FER: variants seen among roughly 807,000 people sequenced by gnomAD.
FER encodes tyrosine-protein kinase Fer.
Under a neutral mutation model 111.0 loss-of-function variants are expected in FER, and 63 were observed. The observed-to-expected ratio is 0.57, with a 90% CI of 0.46 to 0.70. FER has a LOEUF of 0.70. FER is among the 30% of genes least tolerant of loss of function. FER has a pLI of 0.00. For synonymous variants in FER, 327 were observed against 313.9 expected (o/e 1.04, Z -0.44); for missense variants, 914 against 954.0 (o/e 0.96, Z 0.55).
intron 10 of FER, 148 bp downstream of exon 10, chr5:108,897,996 A>T: frequency 1.4e-6 from 1 of 719,698 alleles, no homozygotes; most frequent in Non-Finnish European, 2.1e-6. Context: ...TGCAAAATAG[A>T]CTTGTCAGTC....
chr5:108,920,523 G>T (rs1242513266), intron 10 of FER, among the ~76,000 whole-genome samples: 1 of 139,426 alleles, frequency 7.2e-6, no homozygotes, highest in African/African-American at 2.8e-5. Context: ...GTCTTCTTAG[G>T]GTATTTTCAG....
At chr5:108,795,412 T>A (rs1755904873) in intron 2 of FER, among the ~76,000 whole-genome samples, 1 of 150,544 alleles carries the variant, frequency 6.6e-6, no homozygotes, top group African/African-American at 2.4e-5. Context: ...TTTTTTTATG[T>A]TCCCTCTGAC....
intron 2 of FER, among the ~76,000 whole-genome samples, chr5:108,783,297 C>A (rs1754306499): frequency 6.6e-6 from 1 of 152,150 alleles, no homozygotes; most frequent in Non-Finnish European, 1.5e-5. Flanking sequence ...ACATAATTTT[C>A]ATCTGGTTAT....
At chr5:109,085,054 T>C (rs1777408967) in intron 16 of FER, among the ~76,000 whole-genome samples, 1 of 152,028 alleles carries the variant, frequency 6.6e-6, no homozygotes, top group South Asian at 2.1e-4. Context: ...TTTTCTATTG[T>C]AGATCTTTTA....
In FER at chr5:109,191,043, C is replaced by T. The variant is rs1411579459; in HGVS notation, c.*3468C>T. 1.3e-5 allele frequency: 2 copies of T among 151,968 alleles called. No individual in the cohort carries two copies. Among genetic ancestry groups the T allele is most frequent in the Non-Finnish European group, 2.9e-5 (2 of 67,990 alleles). 9.4% of individuals were successfully genotyped at this position (151,968 alleles called of 1,614,324 possible). A position where few individuals can be genotyped will look rare whatever the true frequency, so the allele number is the denominator to read the frequency against. ...AACTTTTGTGAAGATTGGCTAGTAC[C>T]ACAAAATAACTATGGCTTCACAATA... On this transcript the variant is annotated 3_prime_UTR_variant, in exon 20 of 20. Coordinates refer to ENST00000281092, the MANE Select transcript of FER (RefSeq NM_005246.4).
chr5:108,780,609 T>G (rs534051500), intron 2 of FER, among the ~76,000 whole-genome samples: 4 of 152,156 alleles, frequency 2.6e-5, no homozygotes, highest in Admixed American at 2.0e-4. Flanking sequence ...TGTTGTTGGT[T>G]GTTTGTTTTT....
intron 5 of FER, among the ~76,000 whole-genome samples, chr5:108,852,080 G>T (rs62360774): frequency 0.32 from 48,461 of 152,058 alleles, 8,332 homozygotes; most frequent in African/African-American, 0.43. Context: ...GCTAAGGGAT[G>T]GGTAAACCCA....
chr5:109,018,909 T>C (rs1474901183), intron 13 of FER, among the ~76,000 whole-genome samples: 1 of 151,612 alleles, frequency 6.6e-6, no homozygotes, highest in Non-Finnish European at 1.5e-5. Context: ...CCTTGATTAC[T>C]GTGGGTAGTA....
intron 13 of FER, among the ~76,000 whole-genome samples, chr5:109,007,211 A>G (rs1371206605): frequency 6.6e-6 from 1 of 152,234 alleles, no homozygotes; most frequent in Non-Finnish European, 1.5e-5. Flanking sequence ...ACATTATATC[A>G]GTATAGTGAT....
At chr5:109,066,061 G>T (rs1266674437) in intron 16 of FER, among the ~76,000 whole-genome samples, 1 of 152,126 alleles carries the variant, frequency 6.6e-6, no homozygotes, top group Non-Finnish European at 1.5e-5. Flanking sequence ...ACTTTTTATT[G>T]TAAGAGATTA....
intron 10 of FER, among the ~76,000 whole-genome samples, chr5:108,939,266 A>T (rs1229529775): frequency 6.6e-6 from 1 of 152,082 alleles, no homozygotes; most frequent in Non-Finnish European, 1.5e-5. Flanking sequence ...ATTAAAATTA[A>T]ATGTTTCTAA....
At chr5:109,089,770 G>T (rs1777956500) in intron 16 of FER, among the ~76,000 whole-genome samples, 1 of 152,182 alleles carries the variant, frequency 6.6e-6, no homozygotes, top group South Asian at 2.1e-4. Flanking sequence ...TTGAGGAAGA[G>T]AATGAAATGT....
At chr5:109,065,105 T>C (rs1774922563) in intron 16 of FER, among the ~76,000 whole-genome samples, 1 of 152,154 alleles carries the variant, frequency 6.6e-6, no homozygotes, top group Non-Finnish European at 1.5e-5. Context: ...TTTTTACAAA[T>C]AGGTTTTCAC....
At chr5:109,059,010 G>A (rs1255650783) in intron 16 of FER, among the ~76,000 whole-genome samples, 3 of 151,740 alleles carry the variant, frequency 2.0e-5, no homozygotes, top group Non-Finnish European at 4.4e-5. Context: ...TAAGTGGTGG[G>A]ATTACAGGCG....
At chr5:108,897,373 C>G (rs182642418) in intron 9 of FER, among the ~76,000 whole-genome samples, 8 of 152,238 alleles carry the variant, frequency 5.3e-5, no homozygotes, top group Admixed American at 3.3e-4. Flanking sequence ...TAAGTGTCTA[C>G]TCTGTGAGGT....
At chr5:109,029,167 G>A (rs1329280499) in intron 13 of FER, among the ~76,000 whole-genome samples, 1 of 149,152 alleles carries the variant, frequency 6.7e-6, no homozygotes, top group Non-Finnish European at 1.5e-5. Flanking sequence ...TATTGTGAAA[G>A]TTAAGGTAGA....
At chr5:109,066,818 C>G (rs1775147754) in intron 16 of FER, among the ~76,000 whole-genome samples, 1 of 152,060 alleles carries the variant, frequency 6.6e-6, no homozygotes, top group Non-Finnish European at 1.5e-5. Flanking sequence ...GATCTCTTTT[C>G]TCAAAGAAGT....
intron 8 of FER, among the ~76,000 whole-genome samples, chr5:108,873,447 G>C (rs942408762): frequency 2.0e-5 from 3 of 152,132 alleles, no homozygotes; most frequent in Admixed American, 6.6e-5. Flanking sequence ...GCCCAGCCAG[G>C]TTTTGGAATC....
chr5:109,113,133 A>G (rs1328333122), intron 17 of FER, among the ~76,000 whole-genome samples: 2 of 152,190 alleles, frequency 1.3e-5, no homozygotes, highest in African/African-American at 2.4e-5. Flanking sequence ...TGATGATGTC[A>G]GAATAATACA....
Sources: allele counts gnomAD v4.1 joint callset (sites outside exome capture counted in the v4.1 genomes callset), GRCh38; gene constraint gnomAD v4.1.1; transcripts MANE v1.5; gene names NCBI Gene and HGNC (gene_info 2026-07-23, HGNC 2026-07-21).